AGBL3: variants seen among roughly 807,000 people sequenced by gnomAD.
AGBL3 encodes cytosolic carboxypeptidase 3.
Under a neutral mutation model 94.5 loss-of-function variants are expected in AGBL3, and 68 were observed. The ratio of observed to expected loss-of-function variants is 0.72; its 90% CI spans 0.59 to 0.88. The LOEUF is 0.88. AGBL3 is among the 40% of genes least tolerant of loss of function. The pLI is 0.00. For synonymous variants in AGBL3, 354 were observed against 370.7 expected (o/e 0.95, Z 0.52); for missense variants, 934 against 1,103.8 (o/e 0.85, Z 2.18).
At chr7:135,052,965 G>A (rs929521882) in intron 11 of AGBL3, among the ~76,000 whole-genome samples, 12 of 152,126 alleles carry the variant, frequency 7.9e-5, no homozygotes, top group African/African-American at 2.9e-4. Flanking sequence ...CGGAAACTTT[G>A]TAACATCTGA....
intron 4 of AGBL3, among the ~76,000 whole-genome samples, chr7:135,016,597 G>A (rs1056130646): frequency 3.3e-5 from 5 of 152,138 alleles, no homozygotes; most frequent in African/African-American, 1.2e-4. Context: ...AAGTGGCAGG[G>A]GTAGGGGGAC....
At chr7:135,021,663 C>CTTTTTTTTTTTTTT (rs60821704) in intron 5 of AGBL3, among the ~76,000 whole-genome samples, 1 of 146,660 alleles carries the variant, frequency 6.8e-6, no homozygotes. Flanking sequence ...TTGGGATTTG[C>CTTTTTTTTTTTTTT]TTTTTTTTTT....
At chr7:135,098,921 C>A (rs940007487) in intron 15 of AGBL3, among the ~76,000 whole-genome samples, 33 of 151,984 alleles carry the variant, frequency 2.2e-4, no homozygotes, top group Non-Finnish European at 3.8e-4. Context: ...CACTAAAGAG[C>A]TAAAATGTGT....
intron 3 of AGBL3, among the ~76,000 whole-genome samples, chr7:134,992,841 G>A (rs1297221657): frequency 6.6e-6 from 1 of 152,230 alleles, no homozygotes; most frequent in Non-Finnish European, 1.5e-5. Flanking sequence ...GAAAGAGCAA[G>A]AGGAGTCAGT....
chr7:135,131,941 T>C (rs1828835867), intron 16 of AGBL3, among the ~76,000 whole-genome samples: 1 of 152,100 alleles, frequency 6.6e-6, no homozygotes, highest in African/African-American at 2.4e-5. Context: ...AATGGATTAT[T>C]TCCTCAATAA....
At chr7:134,988,152 C>T in intron 2 of AGBL3, 156 bp downstream of exon 2, 1 of 589,638 alleles carries the variant, frequency 1.7e-6, no homozygotes, top group Non-Finnish European at 2.9e-6. Flanking sequence ...AAAAGCTAAG[C>T]TATCACTGGG....
At chr7:135,117,568 G>C (rs1287553131) in intron 16 of AGBL3, among the ~76,000 whole-genome samples, 2 of 152,184 alleles carry the variant, frequency 1.3e-5, no homozygotes, top group Non-Finnish European at 2.9e-5. Flanking sequence ...TAGCATGTAA[G>C]AGTGTTGAGA....
chr7:135,055,579 T>A (rs977997282), intron 11 of AGBL3, among the ~76,000 whole-genome samples: 3 of 152,226 alleles, frequency 2.0e-5, no homozygotes, highest in Non-Finnish European at 2.9e-5. Context: ...GATTTTTGAA[T>A]GTTGAAACAA....
At chr7:135,071,864 T>C (rs1377670096) in intron 12 of AGBL3, among the ~76,000 whole-genome samples, 6 of 152,184 alleles carry the variant, frequency 3.9e-5, no homozygotes, top group Admixed American at 3.9e-4. Context: ...AAGGACTTCA[T>C]GTCTAAAACA....
At chr7:135,063,611 G>A (rs574922567) in intron 12 of AGBL3, among the ~76,000 whole-genome samples, 5 of 151,966 alleles carry the variant, frequency 3.3e-5, no homozygotes, top group African/African-American at 1.2e-4. Context: ...TTAAATTTCT[G>A]TTTTAATTTC....
At chr7:135,000,180 A>G (rs780625732) in intron 4 of AGBL3, among the ~76,000 whole-genome samples, 3 of 152,206 alleles carry the variant, frequency 2.0e-5, no homozygotes, top group Non-Finnish European at 4.4e-5. Flanking sequence ...CATTGTGGGC[A>G]TTTCAGCTTT....
chr7:134,988,011 A>T lies in AGBL3; in HGVS notation c.63+15A>T, dbSNP rs1385008930. The T allele has an allele frequency of 2.0e-6, 3 of 1,508,054 alleles. No homozygotes were observed. Among genetic ancestry groups the T allele is most frequent in the Non-Finnish European group, 2.7e-6 (3 of 1,117,782 alleles). 93.4% of individuals were successfully genotyped at this position (1,508,054 alleles called of 1,614,324 possible). A position where few individuals can be genotyped will look rare whatever the true frequency, so the allele number is the denominator to read the frequency against. ...AAGATGAATCGGTATGTTTTTCTCAACTTTATTTTACTTGGAGATAAAATT... is the reference window on the plus strand; with the variant it reads ...AAGATGAATCGGTATGTTTTTCTCATCTTTATTTTACTTGGAGATAAAATT... On this transcript the variant is annotated intron_variant, in intron 2 of 16. Transcript: ENST00000436302.
intron 11 of AGBL3, among the ~76,000 whole-genome samples, chr7:135,055,229 A>G (rs980435993): frequency 6.6e-6 from 1 of 152,210 alleles, no homozygotes; most frequent in Admixed American, 6.5e-5. Flanking sequence ...TCAAATTTCA[A>G]CATGAGTTTG....
rs572171708 is a variant in AGBL3 at position 134,993,624 on chromosome 7, C to G, written c.256C>G (p.Pro86Ala). 7.1e-6 allele frequency: 11 copies of G among 1,552,130 alleles called. No homozygotes were observed. The Admixed American group carries it at 2.2e-4, about 30-fold the overall frequency. The change falls in exon 4 of 17, where the codon CCA (proline) becomes GCA (alanine). Residue 86 changes from proline to alanine, a missense_variant. This residue lies in a region of AGBL3 where 488 missense variants were observed against 563.6 expected (regional missense o/e 0.87). Transcript: ENST00000436302. ...YGVSSSGPLSPTRWPYHCEVI... is the reference protein window; with the variant it reads ...YGVSSSGPLSATRWPYHCEVI... The stretch of plus-strand genomic sequence containing the variant: ...TGTCTCTTCTTCTGGTCCATTGAGC[C>G]CAACACGGTGGCCATACCATTGTGA...
intron 16 of AGBL3, among the ~76,000 whole-genome samples, chr7:135,127,981 A>G (rs951115062): frequency 1.3e-5 from 2 of 152,158 alleles, no homozygotes; most frequent in Non-Finnish European, 2.9e-5. Context: ...ACACCATGGA[A>G]TACTATGCAG....
intron 15 of AGBL3, among the ~76,000 whole-genome samples, chr7:135,083,278 T>G (rs1821071214): frequency 6.6e-6 from 1 of 152,120 alleles, no homozygotes; most frequent in Non-Finnish European, 1.5e-5. Flanking sequence ...ACCATCAAAG[T>G]GATTTACCAG....
intron 11 of AGBL3, 100 bp downstream of exon 11, chr7:135,046,011 C>A: frequency 1.2e-6 from 1 of 852,736 alleles, no homozygotes; most frequent in South Asian, 1.8e-5. Flanking sequence ...ACTGAAAATC[C>A]CAACTGTAAG....
At chr7:135,038,950 C>T (rs1816571208) in intron 8 of AGBL3, among the ~76,000 whole-genome samples, 1 of 137,182 alleles carries the variant, frequency 7.3e-6, no homozygotes, top group Admixed American at 7.5e-5. Flanking sequence ...TAGAGCGAGA[C>T]TTTGTCTCAA....
At chr7:135,081,240 G>T (rs965229594) in intron 14 of AGBL3, among the ~76,000 whole-genome samples, 1 of 151,946 alleles carries the variant, frequency 6.6e-6, no homozygotes, top group Admixed American at 6.6e-5. Flanking sequence ...TATTTTAAAC[G>T]CGTTCCTATA....
Sources: gnomAD v4.1 joint callset for allele counts (sites outside exome capture counted in the v4.1 genomes callset) on GRCh38, gnomAD v4.1.1 for gene constraint, gnomAD v4.1.1 regional missense constraint, MANE v1.5 for transcripts, NCBI Gene and HGNC (gene_info 2026-07-23, HGNC 2026-07-21) for gene names.